Variants in NFATC2 observed in about 807,000 individuals in gnomAD.
NFATC2 encodes nuclear factor of activated T-cells, cytoplasmic 2.
A neutral mutation model predicts 87.3 loss-of-function variants in NFATC2; 22 were observed. That is an observed-to-expected ratio of 0.25 (90% confidence interval 0.18 to 0.36). The LOEUF (loss-of-function observed/expected upper bound fraction) is 0.36, where lower values mean the gene tolerates loss of function less well. NFATC2 is among the 10% of genes least tolerant of loss of function. NFATC2 has a pLI of 1.00. For missense variants in NFATC2, 1,149 were observed against 1,259.1 expected (o/e 0.91, Z 1.32); for synonymous variants, 565 against 542.2 (o/e 1.04, Z -0.58).
chr20:51,504,116 G>A (rs533632803), intron 3 of NFATC2, among the ~76,000 whole-genome samples: 24 of 152,216 alleles, frequency 1.6e-4, no homozygotes, highest in Admixed American at 6.5e-4. Flanking sequence ...TCCGCCTCCC[G>A]GGTTCAAGCG....
At chr20:51,444,853 C>G (rs1984848233) in intron 6 of NFATC2, among the ~76,000 whole-genome samples, 1 of 152,098 alleles carries the variant, frequency 6.6e-6, no homozygotes, top group African/African-American at 2.4e-5. Flanking sequence ...GAATGGCCCC[C>G]CCAGCTTAGG....
chr20:51,550,447 C>T (rs1175276335), intron 1 of NFATC2, among the ~76,000 whole-genome samples: 2 of 151,530 alleles, frequency 1.3e-5, no homozygotes, highest in African/African-American at 2.4e-5. Context: ...AAAAAATAGC[C>T]AGGCATGGTG....
At chr20:51,554,171 T>A (rs964225908) in intron 1 of NFATC2, among the ~76,000 whole-genome samples, 1 of 152,136 alleles carries the variant, frequency 6.6e-6, no homozygotes, top group Non-Finnish European at 1.5e-5. Flanking sequence ...CATCGGCTGT[T>A]CTCTCCCTCT....
chr20:51,456,895 T>A (rs751788785), intron 5 of NFATC2, among the ~76,000 whole-genome samples: 27 of 152,170 alleles, frequency 1.8e-4, no homozygotes, highest in Non-Finnish European at 3.5e-4. Context: ...GGAGTCGCCG[T>A]GCACCAGCCA....
chr20:51,410,462 C>T (rs1979048764), intron 9 of NFATC2, among the ~76,000 whole-genome samples: 1 of 151,702 alleles, frequency 6.6e-6, no homozygotes, highest in Non-Finnish European at 1.5e-5. Flanking sequence ...GGGGTAAGTA[C>T]ACAGTATGTT....
chr20:51,547,788 G>A (rs868031508), intron 1 of NFATC2, among the ~76,000 whole-genome samples: 1 of 152,022 alleles, frequency 6.6e-6, no homozygotes, highest in African/African-American at 2.4e-5. Context: ...TCATGCCCAC[G>A]TGCAAACCCT....
At position 51,390,432 on chromosome 20, in the gene NFATC2, T is replaced by C. The variant is rs1986192721; in HGVS notation, c.*1064A>G. 6.6e-6 allele frequency: 1 copy of C among 152,236 alleles called. No homozygotes were observed. Among genetic ancestry groups the C allele is most frequent in the Admixed American group, 6.5e-5 (1 of 15,282 alleles). 9.4% of individuals were successfully genotyped at this position (152,236 alleles called of 1,614,324 possible). A position where few individuals can be genotyped will look rare whatever the true frequency, so the allele number is the denominator to read the frequency against. ...TTCTTGGTTGCTTTAGCCCTTCTGC[T>C]ATTCCTCAATTAAATGCACATGCTT... On this transcript the variant is annotated 3_prime_UTR_variant, in exon 11 of 11. Coordinates refer to ENST00000371564, the MANE Select transcript of NFATC2 (RefSeq NM_012340.5).
In NFATC2 at chr20:51,434,689, G is replaced by T. The variant is rs76241158; in HGVS notation, c.2032+499C>A. 1.4e-3 allele frequency among the ~76,000 whole-genome samples: 212 copies of T among 152,256 alleles called. 1 individual carries two copies. Among genetic ancestry groups the T allele is most frequent in the African/African-American group, 5.0e-3 (207 of 41,528 alleles). Reference sequence around the variant, plus strand: ...GGACAAATGAATGCATGAAAAAATGGTACTCATCACCTTTCTTGGGGCTGT... The same window carrying T: ...GGACAAATGAATGCATGAAAAAATGTTACTCATCACCTTTCTTGGGGCTGT... On this transcript the variant is annotated intron_variant, in intron 8 of 10. Transcript: ENST00000371564.
chr20:51,471,270 C>T (rs565236667), intron 5 of NFATC2, among the ~76,000 whole-genome samples: 46 of 152,236 alleles, frequency 3.0e-4, no homozygotes, highest in African/African-American at 1.1e-3. Context: ...CAGTCCCATC[C>T]TGGAACATGA....
At chr20:51,421,290 A>T (rs1980864267) in intron 9 of NFATC2, among the ~76,000 whole-genome samples, 1 of 152,174 alleles carries the variant, frequency 6.6e-6, no homozygotes, top group African/African-American at 2.4e-5. Flanking sequence ...TCTTACCCCC[A>T]TTTAAAAATC....
chr20:51,423,966 A>G (rs2146310402), intron 9 of NFATC2, among the ~76,000 whole-genome samples: 1 of 152,320 alleles, frequency 6.6e-6, no homozygotes, highest in African/African-American at 2.4e-5. Context: ...TCTCTTACAT[A>G]AGCCAGAAAT....
intron 2 of NFATC2, among the ~76,000 whole-genome samples, chr20:51,519,751 TAAA>T (rs66928164): frequency 0.079 from 9,676 of 122,644 alleles, 427 homozygotes; most frequent in African/African-American, 0.16. Context: ...CCATCTCTAC[TAAA>T]AAAAAAAAAA....
chr20:51,397,811 A>G (rs1987410093), intron 10 of NFATC2, among the ~76,000 whole-genome samples: 1 of 152,116 alleles, frequency 6.6e-6, no homozygotes, highest in African/African-American at 2.4e-5. Context: ...AAACTCTAAG[A>G]TGGGCTGGGC....
chr20:51,414,236 C>G (rs1377288844), intron 9 of NFATC2, among the ~76,000 whole-genome samples: 3 of 152,024 alleles, frequency 2.0e-5, no homozygotes, highest in African/African-American at 4.8e-5. Flanking sequence ...TCCTCACTAC[C>G]CAGAGACTCG....
intron 3 of NFATC2, among the ~76,000 whole-genome samples, chr20:51,511,272 T>C (rs752265244): frequency 2.0e-5 from 3 of 152,230 alleles, no homozygotes; most frequent in Non-Finnish European, 4.4e-5. Flanking sequence ...TGTCTGTTTG[T>C]GATCTTGTTT....
At chr20:51,445,518 A>G (rs969297105) in intron 6 of NFATC2, among the ~76,000 whole-genome samples, 1 of 152,172 alleles carries the variant, frequency 6.6e-6, no homozygotes, top group Non-Finnish European at 1.5e-5. Context: ...TACTGCAAGT[A>G]TGTCCCAAAC....
At chr20:51,472,344 C>A (rs965606562) in intron 5 of NFATC2, among the ~76,000 whole-genome samples, 1 of 152,128 alleles carries the variant, frequency 6.6e-6, no homozygotes, top group African/African-American at 2.4e-5. Context: ...GTAGCAGCAG[C>A]GCATTTAGAT....
intron 10 of NFATC2, among the ~76,000 whole-genome samples, chr20:51,394,518 G>GC (rs1986775440): frequency 6.6e-6 from 1 of 151,932 alleles, no homozygotes; most frequent in Non-Finnish European, 1.5e-5. Flanking sequence ...CCTTGGCAAA[G>GC]CCCCCCTTGG....
chr20:51,486,300 C>G (rs113369445), intron 3 of NFATC2, among the ~76,000 whole-genome samples: 1 of 152,174 alleles, frequency 6.6e-6, no homozygotes, highest in African/African-American at 2.4e-5. Flanking sequence ...CCAGCTTCAT[C>G]TCCCCAACTC....
Sources: gnomAD v4.1 joint callset for allele counts (sites outside exome capture counted in the v4.1 genomes callset) on GRCh38, gnomAD v4.1.1 for gene constraint, MANE v1.5 for transcripts, NCBI Gene and HGNC (gene_info 2026-07-23, HGNC 2026-07-21) for gene names.